The following DAB1 variants were observed in gnomAD, a reference collection of about 807,000 sequenced individuals.
The protein encoded by DAB1 is disabled homolog 1.
A neutral mutation model predicts 64.6 loss-of-function variants in DAB1; 15 were observed. That is an observed-to-expected ratio of 0.23 (90% CI 0.16 to 0.36). DAB1 has a LOEUF of 0.36. Among genes scored for constraint, DAB1 ranks in the 10% least tolerant of loss-of-function variants. The probability of loss-of-function intolerance (pLI) is 1.00; values close to 1 mark genes in which losing one functional copy is unlikely to be tolerated. For missense variants in DAB1, 596 were observed against 706.7 expected (o/e 0.84, Z 1.78); for synonymous variants, 235 against 251.9 (o/e 0.93, Z 0.64).
intron 3 of DAB1, among the ~76,000 whole-genome samples, chr1:58,427,117 C>T (rs1046403966): frequency 2.0e-5 from 3 of 151,868 alleles, no homozygotes; most frequent in Non-Finnish European, 4.4e-5. Flanking sequence ...GAGTAGAGTG[C>T]AGTGAGGAAG....
chr1:58,450,419 A>G (rs554001393), intron 3 of DAB1, among the ~76,000 whole-genome samples: 34 of 152,140 alleles, frequency 2.2e-4, no homozygotes, highest in African/African-American at 5.1e-4. Context: ...TTTCCCCCCA[A>G]TGTGTGGGCT....
chr1:57,123,093 T>C lies in DAB1; in HGVS notation c.306+13450A>G, dbSNP rs926938697. On this transcript the variant is annotated intron_variant, in intron 4 of 14. Transcript: ENST00000371236. Reference sequence around the variant, plus strand: ...GCCAATGATCAGAAATCTTAAATTATAGTAATAAAGATTGTCAAGTTTTCT... The same window carrying C: ...GCCAATGATCAGAAATCTTAAATTACAGTAATAAAGATTGTCAAGTTTTCT... Among the ~76,000 whole-genome samples the C allele has an allele frequency of 2.0e-5, 3 of 152,152 alleles. No homozygotes were observed. In the South Asian group the frequency reaches 6.2e-4, roughly 32 times the overall value.
At chr1:57,055,472 A>C (rs1281614106) in intron 9 of DAB1, among the ~76,000 whole-genome samples, 1 of 152,232 alleles carries the variant, frequency 6.6e-6, no homozygotes, top group Admixed American at 6.5e-5. Context: ...AACTAGGGCA[A>C]GAATGAGTAA....
chr1:57,238,852 C>CACACAT (rs765466460), intron 2 of DAB1, among the ~76,000 whole-genome samples: 16,162 of 140,746 alleles, frequency 0.11, 1,030 homozygotes, highest in East Asian at 0.32. Flanking sequence ...CACACACACA[C>CACACAT]ACACACATAC....
intron 1 of DAB1, among the ~76,000 whole-genome samples, chr1:57,846,840 C>T (rs777339406): frequency 5.9e-5 from 9 of 152,302 alleles, no homozygotes; most frequent in South Asian, 2.1e-4. Context: ...CACACAGACA[C>T]GCAAACAATC....
chr1:57,160,099 T>A (rs534815526), intron 2 of DAB1, among the ~76,000 whole-genome samples: 2 of 152,330 alleles, frequency 1.3e-5, no homozygotes, highest in African/African-American at 4.8e-5. Context: ...TTAGATTTTC[T>A]CATCAGTGGG....
chr1:57,136,786 A>G (rs1321430687), intron 3 of DAB1, 145 bp from the exon 4 acceptor site: 3 of 437,406 alleles, frequency 6.9e-6, no homozygotes, highest in Non-Finnish European at 1.2e-5. Flanking sequence ...TCTCTACTCA[A>G]TGCGGCTCAC....
intron 7 of DAB1, among the ~76,000 whole-genome samples, chr1:57,577,724 C>T (rs1645266742): frequency 6.6e-6 from 1 of 152,136 alleles, no homozygotes; most frequent in Admixed American, 6.5e-5. Context: ...TCCACAAAAC[C>T]TGCTGAATCC....
intron 2 of DAB1, among the ~76,000 whole-genome samples, chr1:58,509,864 A>C (rs577490868): frequency 6.6e-6 from 1 of 152,216 alleles, no homozygotes; most frequent in South Asian, 2.1e-4. Flanking sequence ...TACTCTGAAC[A>C]ATTATATGCC....
chr1:58,259,053 G>T (rs988006113), intron 4 of DAB1, among the ~76,000 whole-genome samples: 9 of 152,126 alleles, frequency 5.9e-5, no homozygotes, highest in African/African-American at 2.2e-4. Context: ...GGTTTTACAG[G>T]ATTAAAATTT....
At chr1:58,217,904 T>C (rs902362077) in intron 4 of DAB1, among the ~76,000 whole-genome samples, 1 of 152,130 alleles carries the variant, frequency 6.6e-6, no homozygotes. Context: ...CATCAATCAG[T>C]AGAGGTACTA....
intron 6 of DAB1, among the ~76,000 whole-genome samples, chr1:57,804,399 A>T (rs1651269105): frequency 6.6e-6 from 1 of 152,202 alleles, no homozygotes; most frequent in South Asian, 2.1e-4. Context: ...CAAATGGCTC[A>T]GTGGTCTGGA....
intron 4 of DAB1, among the ~76,000 whole-genome samples, chr1:58,216,608 G>A (rs186824846): frequency 3.2e-4 from 49 of 152,252 alleles, no homozygotes; most frequent in African/African-American, 1.1e-3. Context: ...TCGCCACACC[G>A]TCTTCCACAA....
chr1:57,381,636 G>C (rs1259940390), intron 1 of DAB1, among the ~76,000 whole-genome samples: 1 of 152,126 alleles, frequency 6.6e-6, no homozygotes, highest in African/African-American at 2.4e-5. Context: ...GAGGAAACCA[G>C]TCTCCTCACC....
At chr1:57,507,861 AC>A (rs1167886639) in intron 7 of DAB1, among the ~76,000 whole-genome samples, 11 of 152,078 alleles carry the variant, frequency 7.2e-5, no homozygotes, top group African/African-American at 2.7e-4. Context: ...TTTTGCTGAT[AC>A]CCCCTCCCCA....
At chr1:57,544,149 C>G (rs1008330620) in intron 7 of DAB1, among the ~76,000 whole-genome samples, 8 of 152,100 alleles carry the variant, frequency 5.3e-5, no homozygotes, top group African/African-American at 1.2e-4. Context: ...TGTACACTTA[C>G]AGAACTGGAA....
At chr1:58,256,484 G>T (rs966255692) in intron 4 of DAB1, among the ~76,000 whole-genome samples, 17 of 152,230 alleles carry the variant, frequency 1.1e-4, no homozygotes, top group African/African-American at 3.9e-4. Flanking sequence ...GAAATGGTGG[G>T]TGCTTTAGAG....
intron 7 of DAB1, among the ~76,000 whole-genome samples, chr1:57,527,269 T>A (rs935141103): frequency 6.6e-6 from 1 of 152,330 alleles, no homozygotes; most frequent in Non-Finnish European, 1.5e-5. Flanking sequence ...TCCTTGGTGA[T>A]TGGACTGATT....
chr1:57,621,012 GGT>G (rs1212363193), intron 7 of DAB1, among the ~76,000 whole-genome samples: 6 of 150,818 alleles, frequency 4.0e-5, no homozygotes, highest in South Asian at 2.1e-4. Flanking sequence ...TTTGTGTCTG[GGT>G]GTGTGTGTGT....
Sources: gnomAD v4.1 joint callset for allele counts (sites outside exome capture counted in the v4.1 genomes callset) on GRCh38, gnomAD v4.1.1 for gene constraint, MANE v1.5 for transcripts, NCBI Gene and HGNC (gene_info 2026-07-23, HGNC 2026-07-21) for gene names.